DLGAP3: variants seen among roughly 807,000 people sequenced by gnomAD.
The protein encoded by DLGAP3 is DLG associated protein 3.
A neutral mutation model predicts 81.2 loss-of-function variants in DLGAP3; 17 were observed. That is an observed-to-expected ratio of 0.21 (90% CI 0.14 to 0.31). DLGAP3 has a LOEUF of 0.31. Among genes scored for constraint, DLGAP3 ranks in the 10% least tolerant of loss-of-function variants. The pLI, the probability that DLGAP3 is intolerant of heterozygous loss-of-function variation, is 1.00. For synonymous variants in DLGAP3, 577 were observed against 587.4 expected, an observed-to-expected ratio of 0.98 and a Z score of 0.26; for missense variants, 1,124 against 1,388.0, an observed-to-expected ratio of 0.81 and a Z score of 3.02.
At position 34,868,891 on chromosome 1, in the gene DLGAP3, C is replaced by A. The variant is rs771067661; in HGVS notation, c.2199G>T (p.Thr733=). The change falls in exon 9 of 12, where the codon ACG becomes ACT. Residue 733 remains threonine, a synonymous_variant. Transcript: ENST00000373347. This position sits in a 1 kb window ranked among gnomAD's most constrained non-coding sequence, Gnocchi z 7.5. ...CCTCGCGGTAGGCCCACTGGCCCTG[C>A]GTGTGGACCGTGCGGAAGACTGAGT... ...PTYSVFRTVH[T]QGQWAYREGY... The A allele has an allele frequency of 5.0e-6, 8 of 1,603,104 alleles. No homozygotes were observed. Among genetic ancestry groups the A allele is most frequent in the South Asian group, 3.3e-5 (3 of 90,868 alleles).
At chr1:34,909,214 C>T (rs1557495129) in intron 1 of DLGAP3, among the ~76,000 whole-genome samples, 1 of 152,234 alleles carries the variant, frequency 6.6e-6, no homozygotes, top group Non-Finnish European at 1.5e-5. Flanking sequence ...AGCTGCTCAG[C>T]TTTCATCAAG....
chr1:34,898,347 C>T (rs1639406701), intron 5 of DLGAP3, among the ~76,000 whole-genome samples: 3 of 152,182 alleles, frequency 2.0e-5, no homozygotes, highest in African/African-American at 7.2e-5. Flanking sequence ...TGGTGTCCTC[C>T]AAGCCAACCA....
chr1:34,913,322 G>A (rs1004816558), intron 1 of DLGAP3, among the ~76,000 whole-genome samples: 10 of 152,256 alleles, frequency 6.6e-5, no homozygotes, highest in African/African-American at 1.7e-4. Context: ...CCCACTGGAC[G>A]GTGCTCGGCC....
At chr1:34,912,530 C>A (rs1639654593) in intron 1 of DLGAP3, among the ~76,000 whole-genome samples, 1 of 152,200 alleles carries the variant, frequency 6.6e-6, no homozygotes, top group Non-Finnish European at 1.5e-5. Flanking sequence ...AGAGTTGTTC[C>A]CTTGTGAAGG....
At chr1:34,869,639 G>A (rs573636843) in intron 8 of DLGAP3, among the ~76,000 whole-genome samples, 2 of 152,144 alleles carry the variant, frequency 1.3e-5, no homozygotes, top group South Asian at 2.1e-4. Flanking sequence ...ACAGGCATGC[G>A]CCTTTTGTCT....
intron 1 of DLGAP3, among the ~76,000 whole-genome samples, chr1:34,912,342 C>A (rs1177787985): frequency 1.3e-5 from 2 of 152,126 alleles, no homozygotes; most frequent in African/African-American, 4.8e-5. Context: ...CATCTGGGTA[C>A]CCAGAGATCC....
chr1:34,896,718 G>A (rs779117269), intron 5 of DLGAP3, among the ~76,000 whole-genome samples: 11 of 152,036 alleles, frequency 7.2e-5, no homozygotes, highest in Non-Finnish European at 1.6e-4. Flanking sequence ...AATTATAAGG[G>A]TAACCACAAA....
intron 4 of DLGAP3, 97 bp from the exon 5 acceptor site, chr1:34,899,838 C>G: frequency 8.4e-7 from 1 of 1,184,946 alleles, no homozygotes; most frequent in Admixed American, 1.7e-5. Context: ...AGTCCTATTC[C>G]TCAGAACCCC....
At position 34,867,425 on chromosome 1, in the gene DLGAP3, G is replaced by T; in HGVS notation, c.2577+111C>A. 1.8e-6 allele frequency: 2 copies of T among 1,098,488 alleles called. No homozygotes were observed. The highest frequency in any genetic ancestry group is 2.8e-6 in the Non-Finnish European group (2 of 712,388). 68.0% of individuals were successfully genotyped at this position (1,098,488 alleles called of 1,614,324 possible). A position where few individuals can be genotyped will look rare whatever the true frequency, so the allele number is the denominator to read the frequency against. ...GCTACCCCAGAAGGCATGCAGGCCT[G>T]GTCTCACCTCTGGTACACACTCACT... On this transcript the variant is annotated intron_variant, in intron 10 of 11. Transcript: ENST00000373347. The surrounding 1 kb of genome is among the most constrained non-coding windows in gnomAD (Gnocchi z 4.3).
Position 34,865,951 on chromosome 1 carries a change from C to A in DLGAP3, c.*132G>T. ...AAAAACCCACGAGAGTGTGACGGGC[C>A]CGGGGGCCGGGGCGTCCGGTGCCGG... On this transcript the variant is annotated 3_prime_UTR_variant, in exon 12 of 12. Transcript: ENST00000373347. 1 of 801,624 alleles carries A rather than the reference C, an allele frequency of 1.2e-6. No individual in the cohort carries two copies. Among genetic ancestry groups the A allele is most frequent in the Non-Finnish European group, 2.0e-6 (1 of 503,746 alleles). 49.7% of individuals were successfully genotyped at this position (801,624 alleles called of 1,614,324 possible).
intron 1 of DLGAP3, among the ~76,000 whole-genome samples, chr1:34,915,674 G>C (rs1435489123): frequency 6.6e-6 from 1 of 152,168 alleles, no homozygotes; most frequent in Non-Finnish European, 1.5e-5. Flanking sequence ...TGGCTGGTTG[G>C]CTGACTGCCA....
chr1:34,904,530 C>A lies in DLGAP3; in HGVS notation c.854G>T (p.Gly285Val), dbSNP rs909391352. ...ATCTGGACCCTCCAGGCAGAAGGGA[C>A]CACCAGGCTCCCCAGGGGGCCTCCC... ...AGGRPPGEPG[G>V]PFCLEGPDGS... The change falls in exon 3 of 12, where the codon GGT (glycine) becomes GTT (valine). Residue 285 changes from glycine to valine, a missense_variant. This residue lies in a region of DLGAP3 where 357 missense variants were observed against 408.8 expected (regional missense o/e 0.87). Transcript: ENST00000373347. The surrounding 1 kb of genome is among the most constrained non-coding windows in gnomAD (Gnocchi z 8.1). 2 of 1,614,182 alleles carry A rather than the reference C, an allele frequency of 1.2e-6. No individual in the cohort carries two copies. The highest frequency in any genetic ancestry group is 1.7e-6 in the Non-Finnish European group (2 of 1,180,002).
At chr1:34,914,069 G>T (rs1234280505) in intron 1 of DLGAP3, among the ~76,000 whole-genome samples, 2 of 152,188 alleles carry the variant, frequency 1.3e-5, no homozygotes, top group African/African-American at 4.8e-5. Flanking sequence ...GGGATGGGCT[G>T]CAGGAGCAGG....
intron 5 of DLGAP3, among the ~76,000 whole-genome samples, chr1:34,892,430 A>G (rs1484276861): frequency 6.6e-6 from 1 of 152,202 alleles, no homozygotes; most frequent in Non-Finnish European, 1.5e-5. Flanking sequence ...GAGGAAAAGG[A>G]AGAGATAGGG....
intron 2 of DLGAP3, 139 bp downstream of exon 2, chr1:34,907,216 C>T (rs1639568544): frequency 6.6e-6 from 1 of 152,550 alleles, no homozygotes; most frequent in Non-Finnish European, 1.5e-5. Context: ...CACACTTACC[C>T]ATGAGAAAAT....
At chr1:34,888,320 A>T (rs931340193) in intron 5 of DLGAP3, among the ~76,000 whole-genome samples, 1 of 152,254 alleles carries the variant, frequency 6.6e-6, no homozygotes, top group Non-Finnish European at 1.5e-5. Context: ...CAAGACCCAG[A>T]GAGGGCAGGT....
At chr1:34,897,167 T>C (rs1639391008) in intron 5 of DLGAP3, among the ~76,000 whole-genome samples, 1 of 152,192 alleles carries the variant, frequency 6.6e-6, no homozygotes, top group South Asian at 2.1e-4. Context: ...TAGGGTGACA[T>C]CTCTAGTGCT....
rs1269597070 is a variant in DLGAP3 at position 34,867,176 on chromosome 1, G to A, written c.2593C>T (p.Pro865Ser). The change falls in exon 11 of 12, where the codon CCT becomes TCT. Residue 865 changes from proline to serine, a missense_variant. Transcript: ENST00000373347. The surrounding 1 kb of genome is among the most constrained non-coding windows in gnomAD (Gnocchi z 4.3). ...CQQSMDPTAF[P>S]VPTFQDLAGF... ...GCCAGGTCCTGGAAGGTGGGCACAG[G>A]GAACGCAGTGGGATCCTGCAACAGA... 1.2e-6 allele frequency: 2 copies of A among 1,614,174 alleles called. No homozygotes were observed. The highest frequency in any genetic ancestry group is 1.7e-5 in the Admixed American group (1 of 60,020).
At chr1:34,912,836 C>A (rs1358829604) in intron 1 of DLGAP3, among the ~76,000 whole-genome samples, 2 of 152,196 alleles carry the variant, frequency 1.3e-5, no homozygotes, top group Admixed American at 1.3e-4. Context: ...CAGCTCATAC[C>A]CCTGATTATT....
Sources: allele counts gnomAD v4.1 joint callset (sites outside exome capture counted in the v4.1 genomes callset), GRCh38; gene constraint gnomAD v4.1.1; regional missense constraint gnomAD v4.1.1; non-coding constraint Gnocchi (gnomAD v3.1); transcripts MANE v1.5; gene names NCBI Gene and HGNC (gene_info 2026-07-23, HGNC 2026-07-21).